SCNM1: variants seen among roughly 807,000 people sequenced by gnomAD.
SCNM1 encodes sodium channel modifier 1.
Under a neutral mutation model 32.8 loss-of-function variants are expected in SCNM1, and 24 were observed. That is an observed-to-expected ratio of 0.73 (90% CI 0.53 to 1.03). The LOEUF (loss-of-function observed/expected upper bound fraction) is 1.03. SCNM1 is among the 50% of genes least tolerant of loss of function. SCNM1 has a pLI of 0.00. For synonymous variants in SCNM1, 99 were observed against 103.2 expected, an observed-to-expected ratio of 0.96 and a Z score of 0.25; for missense variants, 274 against 282.3, an observed-to-expected ratio of 0.97 and a Z score of 0.21.
chr1:151,168,130 T>A lies in SCNM1; in HGVS notation c.399-14T>A. The A allele has an allele frequency of 1.9e-6, 3 of 1,590,936 alleles. No individual in the cohort carries two copies. The South Asian group carries it at 3.4e-5, about 18-fold the overall frequency. On this transcript the variant is annotated splice_polypyrimidine_tract_variant and intron_variant, in intron 5 of 6. Transcript: ENST00000368905. ...TTCCCTTACTGCTTTTACAGACTAT[T>A]CTTCTCTACCTAGACCAGAAGCCCC...
chr1:151,168,596 C>T (rs984452630), intron 6 of SCNM1, among the ~76,000 whole-genome samples: 3 of 151,356 alleles, frequency 2.0e-5, no homozygotes, highest in African/African-American at 4.8e-5. Context: ...TTAGTAGAGA[C>T]GGGGTTTCTC....
At chr1:151,166,598 T>A (rs587640752) in intron 2 of SCNM1, 57 bp downstream of exon 2, 6 of 319,568 alleles carry the variant, frequency 1.9e-5, no homozygotes, top group Admixed American at 1.1e-4. Flanking sequence ...CTCAATAGAC[T>A]TTTTTTTTTT....
intron 2 of SCNM1, 56 bp downstream of exon 2, chr1:151,166,597 C>CTT (rs869155499): frequency 2.0e-4 from 269 of 1,313,766 alleles, no homozygotes; most frequent in South Asian, 4.5e-4. Flanking sequence ...GCTCAATAGA[C>CTT]TTTTTTTTTT....
rs758068288 is a variant in SCNM1, at chr1:151,167,405, G to A, written c.389G>A (p.Arg130Gln). 6.2e-6 allele frequency: 10 copies of A among 1,614,048 alleles called. No homozygotes were observed. Among genetic ancestry groups the A allele is most frequent in the African/African-American group, 1.3e-5 (1 of 74,914 alleles). ...CCCCACTATAACAGTTGCTGCCGCC[G>A]GAAGTACAGGTATGGGACGGGAAAG... ...RAPHYNSCCR[R>Q]KYRPEAPGPS... is the part of the protein sequence containing the mutation. The change falls in exon 5 of 7, where the codon CGG becomes CAG. Residue 130 changes from arginine (R) to glutamine (Q), a missense_variant. By Grantham distance (43) the Arg-to-Gln change is conservative. Coordinates refer to ENST00000368905, the MANE Select transcript of SCNM1 (RefSeq NM_024041.4).
Position 151,169,340 on chromosome 1 carries a change from G to A in SCNM1, c.*255G>A. The A allele has an allele frequency of 3.1e-6, 1 of 323,872 alleles. No individual in the cohort carries two copies. Among genetic ancestry groups the A allele is most frequent in the Non-Finnish European group, 5.7e-6 (1 of 174,772 alleles). 20.1% of individuals were successfully genotyped at this position (323,872 alleles called of 1,614,324 possible). On this transcript the variant is annotated 3_prime_UTR_variant, in exon 7 of 7. Coordinates refer to ENST00000368905, the MANE Select transcript of SCNM1 (RefSeq NM_024041.4). The stretch of plus-strand genomic sequence containing the variant: ...GCTCACTGCAAGCTCTGCCTCCCAG[G>A]TTCACGCCTTTCTCCTGCCTCAGCC...
At chr1:151,166,421 C>T (rs1187284566) in intron 1 of SCNM1, 50 bp from the exon 2 acceptor site, 3 of 1,611,648 alleles carry the variant, frequency 1.9e-6, no homozygotes. Flanking sequence ...TTCCACCCCT[C>T]TCTCCTATCC....
At chr1:151,168,102 C>CCTTT (rs1292931946) in intron 5 of SCNM1, 42 bp from the exon 6 acceptor site, 1 of 1,542,614 alleles carries the variant, frequency 6.5e-7, no homozygotes, top group South Asian at 1.2e-5. Context: ...GAGAGTTGGC[C>CCTTT]CTTTCCCTTA....
intron 6 of SCNM1, among the ~76,000 whole-genome samples, chr1:151,168,758 T>A (rs1683833418): frequency 6.7e-6 from 1 of 148,200 alleles, no homozygotes; most frequent in Non-Finnish European, 1.5e-5. Context: ...GCCACCCAAC[T>A]TACATGGCTC....
rs768173110 is a variant in SCNM1 at position 151,169,092 on chromosome 1, T to C, written c.*7T>C. On this transcript the variant is annotated 3_prime_UTR_variant, in exon 7 of 7. Coordinates refer to ENST00000368905, the MANE Select transcript of SCNM1 (RefSeq NM_024041.4). ...TGATCTCCCCTTGGACTGATACCCT[T>C]TTCCCATTCATTCACAAATAAATTA... 4 of 1,614,046 alleles carry C rather than the reference T, an allele frequency of 2.5e-6. No homozygotes were observed. In the South Asian group the frequency reaches 4.4e-5, roughly 18 times the overall value.
chr1:151,168,946 C>A (rs771728499), intron 6 of SCNM1, 40 bp from the exon 7 acceptor site: 12 of 1,612,398 alleles, frequency 7.4e-6, no homozygotes, highest in Non-Finnish European at 9.3e-6. Flanking sequence ...TCTTAATAAG[C>A]CTCTTTCCTG....
intron 6 of SCNM1, among the ~76,000 whole-genome samples, 182 bp downstream of exon 6, chr1:151,168,520 T>C (rs1683820199): frequency 6.6e-6 from 1 of 152,096 alleles, no homozygotes; most frequent in Non-Finnish European, 1.5e-5. Flanking sequence ...GCGATTCTCC[T>C]GCCTCAGGCT....
intron 5 of SCNM1, 90 bp from the exon 6 acceptor site, chr1:151,168,054 G>GT (rs901199618): frequency 2.2e-6 from 3 of 1,347,808 alleles, no homozygotes; most frequent in Non-Finnish European, 3.0e-6. Flanking sequence ...GAGAAATATA[G>GT]TTTAAGAAGC....
Position 151,169,281 on chromosome 1 carries a change from A to G in SCNM1, c.*196A>G, listed in dbSNP as rs952815596. On this transcript the variant is annotated 3_prime_UTR_variant, in exon 7 of 7. Coordinates refer to ENST00000368905, the MANE Select transcript of SCNM1 (RefSeq NM_024041.4). The stretch of plus-strand genomic sequence containing the variant: ...TTTTTTTGAGGCAGAGTCTCGCTCT[A>G]TCGCCCAGGCTGGAGTGCAGTGGCA... 45 of 500,734 alleles carry G rather than the reference A, an allele frequency of 9.0e-5. No homozygotes were observed. The highest frequency in any genetic ancestry group is 4.6e-4 in the South Asian group (17 of 37,082). The allele number at this position is 500,734 out of a possible 1,614,324, so 31.0% of individuals were successfully genotyped here. A position where few individuals can be genotyped will look rare whatever the true frequency, so the allele number is the denominator to read the frequency against.
In SCNM1 at chr1:151,169,505, A is replaced by G; in HGVS notation, c.*420A>G. Reference sequence around the variant, plus strand: ...GTGATCCGCCCACCTCGGCCTCCCAAAGTGCTGGGATTACAGGCATGAGCC... The same window carrying G: ...GTGATCCGCCCACCTCGGCCTCCCAGAGTGCTGGGATTACAGGCATGAGCC... On this transcript the variant is annotated 3_prime_UTR_variant, in exon 7 of 7. Coordinates refer to ENST00000368905, the MANE Select transcript of SCNM1 (RefSeq NM_024041.4). 1 of 174,536 alleles carries G rather than the reference A, an allele frequency of 5.7e-6. No homozygotes were observed. The highest frequency in any genetic ancestry group is 1.3e-4 in the South Asian group (1 of 7,920). 10.8% of individuals were successfully genotyped at this position (174,536 alleles called of 1,614,324 possible). A position where few individuals can be genotyped will look rare whatever the true frequency, so the allele number is the denominator to read the frequency against.
Position 151,170,170 on chromosome 1 carries a change from T to G in SCNM1, c.*1085T>G. The G allele has an allele frequency of 1.3e-6, 2 of 1,580,858 alleles. No individual in the cohort carries two copies. Among genetic ancestry groups the G allele is most frequent in the Non-Finnish European group, 8.7e-7 (1 of 1,150,284 alleles). ...CCTGCTTTCTGCAAAGGCACTCTTC[T>G]CCTTTCCAGTCCCTTAGCCAAACTC... On this transcript the variant is annotated 3_prime_UTR_variant, in exon 7 of 7. Transcript: ENST00000368905.
intron 5 of SCNM1, 147 bp downstream of exon 5, chr1:151,167,561 G>C (rs1362505286): frequency 9.2e-7 from 1 of 1,091,054 alleles, no homozygotes; most frequent in East Asian, 2.5e-5. Context: ...GCTGGGCGCG[G>C]TGACTCACGC....
chr1:151,166,354 A>G, intron 1 of SCNM1, 117 bp from the exon 2 acceptor site: 1 of 1,542,298 alleles, frequency 6.5e-7, no homozygotes, highest in Non-Finnish European at 8.8e-7. Flanking sequence ...TCGGTCTATG[A>G]TCGCTGTTCT....
In SCNM1 at chr1:151,168,198, C is replaced by G. The variant is rs774078205; in HGVS notation, c.453C>G (p.Val151=). ...VSLSPMPPSE[V]KLQSGKISRE... is the part of the protein sequence containing the mutation. ...TTTCCCCTATGCCACCCTCAGAGGT[C>G]AAACTCCAAAGTGGGAAGATCAGTA... is the stretch of plus-strand genomic sequence containing the variant. The change falls in exon 6 of 7, where the codon GTC becomes GTG. Residue 151 remains valine (V), a synonymous_variant. Coordinates refer to ENST00000368905, the MANE Select transcript of SCNM1 (RefSeq NM_024041.4). The G allele has an allele frequency of 6.2e-7, 1 of 1,614,172 alleles. No homozygotes were observed. The highest frequency in any genetic ancestry group is 8.5e-7 in the Non-Finnish European group (1 of 1,180,030).
At chr1:151,166,761 C>A in intron 2 of SCNM1, 173 bp from the exon 3 acceptor site, 1 of 1,229,188 alleles carries the variant, frequency 8.1e-7, no homozygotes, top group Non-Finnish European at 1.1e-6. Context: ...TTAATTAGGA[C>A]AGCAGGAGTA....
Sources: allele counts gnomAD v4.1 joint callset (sites outside exome capture counted in the v4.1 genomes callset), GRCh38; gene constraint gnomAD v4.1.1; transcripts MANE v1.5; gene names NCBI Gene and HGNC (gene_info 2026-07-23, HGNC 2026-07-21).